The following SELPLG variants were observed in gnomAD, a reference collection of about 807,000 sequenced individuals.
SELPLG encodes selectin P ligand, also known as P-selectin glycoprotein ligand 1.
A neutral mutation model predicts 1.1 loss-of-function variants in SELPLG; 2 were observed. The observed-to-expected ratio is 1.82, with a 90% CI of 0.74 to 5.71. The LOEUF (loss-of-function observed/expected upper bound fraction) is 5.71, where lower values mean the gene tolerates loss of function less well. Among genes scored for constraint, SELPLG ranks in the 30% most tolerant of loss-of-function variants. The pLI, the probability that SELPLG is intolerant of heterozygous loss-of-function variation, is 0.05. For missense variants in SELPLG, 478 were observed against 524.7 expected (o/e 0.91, Z 0.87); for synonymous variants, 230 against 221.2 (o/e 1.04, Z -0.35).
chr12:108,630,477 C>T (rs372560763), intron 1 of SELPLG, among the ~76,000 whole-genome samples: 1 of 152,194 alleles, frequency 6.6e-6, no homozygotes, highest in Non-Finnish European at 1.5e-5. Flanking sequence ...AAGTAGTCAC[C>T]AAGAGAAGGA....
chr12:108,631,888 GC>G, intron 1 of SELPLG: 1 of 1,535,462 alleles, frequency 6.5e-7, no homozygotes, highest in Non-Finnish European at 8.7e-7. Context: ...TAGACCACTG[GC>G]CCCCACTGCC....
chr12:108,628,324 C>CACAT (rs1275442483), intron 1 of SELPLG, among the ~76,000 whole-genome samples: 1 of 84,668 alleles, frequency 1.2e-5, no homozygotes, highest in Non-Finnish European at 2.7e-5. Flanking sequence ...ATGTAACACA[C>CACAT]ACACACACAC....
At position 108,623,961 on chromosome 12, in the gene SELPLG, G is replaced by A. The variant is rs752019288; in HGVS notation, c.347C>T (p.Ser116Leu). 3.1e-6 allele frequency: 5 copies of A among 1,614,176 alleles called. No individual in the cohort carries two copies. In the South Asian group the frequency reaches 5.5e-5, roughly 18 times the overall value. ...AGTGGTCTGTATCTCCATAGCTGCT[G>A]AATCCGTGGACAGGTTCCCCATGTT... ...LANMGNLSTDSAAMEIQTTQP... is the reference protein window; with the variant it reads ...LANMGNLSTDLAAMEIQTTQP... The change falls in exon 2 of 2, where the codon TCA (serine) becomes TTA (leucine). Residue 116 changes from serine (S) to leucine (L), a missense_variant. Coordinates refer to ENST00000550948, the MANE Select transcript of SELPLG (RefSeq NM_003006.4).
chr12:108,631,943 TAGG>T (rs1565890910), intron 1 of SELPLG: 2 of 1,535,464 alleles, frequency 1.3e-6, no homozygotes, highest in South Asian at 1.2e-5. Context: ...GACACAGGCC[TAGG>T]GTCACCACGA....
At chr12:108,631,874 C>A in intron 1 of SELPLG, 1 of 1,535,434 alleles carries the variant, frequency 6.5e-7, no homozygotes, top group South Asian at 1.2e-5. Flanking sequence ...ATCTTATCTC[C>A]TTCTAGACCA....
intron 1 of SELPLG, among the ~76,000 whole-genome samples, chr12:108,633,290 C>G (rs554962492): frequency 6.6e-6 from 1 of 152,234 alleles, no homozygotes; most frequent in East Asian, 1.9e-4. Flanking sequence ...GGCTTGAGGC[C>G]AGGAGTTTGA....
chr12:108,624,405 G>A lies in SELPLG; in HGVS notation c.-5-93C>T, dbSNP rs971996512. 9 of 1,199,800 alleles carry A rather than the reference G, an allele frequency of 7.5e-6. No individual in the cohort carries two copies. In the Admixed American group the frequency reaches 1.5e-4, roughly 20 times the overall value. 74.3% of individuals were successfully genotyped at this position (1,199,800 alleles called of 1,614,324 possible). Reference sequence around the variant, plus strand: ...ACCACCACCCTCTACTGCCACAGCTGGAAGCATGTCTGGTCTGGAGCAGGG... The same window carrying A: ...ACCACCACCCTCTACTGCCACAGCTAGAAGCATGTCTGGTCTGGAGCAGGG... On this transcript the variant is annotated intron_variant, in intron 1 of 1. Transcript: ENST00000550948.
intron 1 of SELPLG, among the ~76,000 whole-genome samples, chr12:108,629,223 C>T (rs969710749): frequency 2.0e-5 from 3 of 152,206 alleles, no homozygotes; most frequent in African/African-American, 7.2e-5. Context: ...CTAAAGCAAC[C>T]ACCTTATCCT....
At chr12:108,630,104 C>T (rs1173716696) in intron 1 of SELPLG, among the ~76,000 whole-genome samples, 1 of 152,214 alleles carries the variant, frequency 6.6e-6, no homozygotes, top group Non-Finnish European at 1.5e-5. Flanking sequence ...GGGGCCAGGG[C>T]AGGGCTCCGA....
At position 108,624,071 on chromosome 12, in the gene SELPLG, C is replaced by T. The variant is rs749995403; in HGVS notation, c.237G>A (p.Glu79=). 1.2e-6 allele frequency: 2 copies of T among 1,614,214 alleles called. No individual in the cohort carries two copies. Among genetic ancestry groups the T allele is most frequent in the East Asian group, 2.2e-5 (1 of 44,890 alleles). The change falls in exon 2 of 2, where the codon GAG becomes GAA. Residue 79 remains glutamate (E), a synonymous_variant. Transcript: ENST00000550948. ...TTPLTGPGTP[E]STTVEPAARR... ...TTGCAGCAGGCTCCACAGTGGTAGA[C>T]TCAGGGGTTCCAGGCCCAGTCAGAG...
chr12:108,631,939 G>T (rs1294508376), intron 1 of SELPLG: 4 of 1,535,418 alleles, frequency 2.6e-6, no homozygotes. Flanking sequence ...CCGAGACACA[G>T]GCCTAGGGTC....
chr12:108,623,844 C>T lies in SELPLG; in HGVS notation c.464G>A (p.Arg155Gln), dbSNP rs558591610. Reference protein sequence around the residue: ...PLAATEAQTTRLTATEAQTTP... With the variant: ...PLAATEAQTTQLTATEAQTTP... ...GGTCTGTGCCTCCGTGGCCGTCAGT[C>T]GAGTTGTCTGTGCCTCTGTGGCTGC... Residue 155 changes from arginine (R) to glutamine (Q), a missense_variant, in exon 2 of 2, where the codon CGA becomes CAA. Coordinates refer to ENST00000550948, the MANE Select transcript of SELPLG (RefSeq NM_003006.4). The T allele has an allele frequency of 5.2e-5, 79 of 1,523,410 alleles. No individual in the cohort carries two copies. The East Asian group carries it at 1.5e-3, about 28-fold the overall frequency. The allele number at this position is 1,523,410 out of a possible 1,614,324, so 94.4% of individuals were successfully genotyped here. A position where few individuals can be genotyped will look rare whatever the true frequency, so the allele number is the denominator to read the frequency against.
rs182988667 is a variant in SELPLG at position 108,623,041 on chromosome 12, G to A, written c.*28C>T. ...GCCCAGGAGAGCCCGTGGAGGTGGG[G>A]TCTTGCCAAAACAGATGGCAGAGTG... On this transcript the variant is annotated 3_prime_UTR_variant, in exon 2 of 2. Transcript: ENST00000550948. 5,277 of 1,464,508 alleles carry A rather than the reference G, an allele frequency of 3.6e-3. 17 individuals carry two copies. The highest frequency in any genetic ancestry group is 3.7e-3 in the Non-Finnish European group (4,150 of 1,106,680). The allele number at this position is 1,464,508 out of a possible 1,614,324, so 90.7% of individuals were successfully genotyped here. A position where few individuals can be genotyped will look rare whatever the true frequency, so the allele number is the denominator to read the frequency against.
chr12:108,628,049 C>T (rs1023820726), intron 1 of SELPLG, among the ~76,000 whole-genome samples: 1 of 151,968 alleles, frequency 6.6e-6, no homozygotes, highest in Non-Finnish European at 1.5e-5. Flanking sequence ...CCACTGCACC[C>T]CAGCCTGGGT....
At chr12:108,624,880 G>A (rs2031909568) in intron 1 of SELPLG, among the ~76,000 whole-genome samples, 1 of 151,900 alleles carries the variant, frequency 6.6e-6, no homozygotes, top group Admixed American at 6.6e-5. Context: ...AGTAGAGACG[G>A]GGTTTCACTA....
At chr12:108,626,691 C>G (rs540254884) in intron 1 of SELPLG, among the ~76,000 whole-genome samples, 1 of 150,396 alleles carries the variant, frequency 6.6e-6, no homozygotes, top group South Asian at 2.1e-4. Flanking sequence ...TTTGTAGAGA[C>G]GGGGTCTTGC....
In SELPLG at chr12:108,623,995, C is replaced by G. The variant is rs745821124; in HGVS notation, c.313G>C (p.Glu105Gln). Reference protein sequence around the residue: ...AGGAVTELTTELANMGNLSTD... With the variant: ...AGGAVTELTTQLANMGNLSTD... ...GACAGGTTCCCCATGTTGGCCAGCTCCGTGGTCAGCTCTGTGACTGCCCCT... is the reference window on the plus strand; with the variant it reads ...GACAGGTTCCCCATGTTGGCCAGCTGCGTGGTCAGCTCTGTGACTGCCCCT... Residue 105 changes from glutamate to glutamine, a missense_variant, in exon 2 of 2, where the codon GAG becomes CAG. Transcript: ENST00000550948. 29 of 1,614,188 alleles carry G rather than the reference C, an allele frequency of 1.8e-5. No individual in the cohort carries two copies. The highest frequency in any genetic ancestry group is 2.4e-5 in the Non-Finnish European group (28 of 1,180,022).
Position 108,626,128 on chromosome 12 carries a change from CTTTTTTTTTTT to C in SELPLG, c.-5-1827_-5-1817del, listed in dbSNP as rs573374699. On this transcript the variant is annotated intron_variant, in intron 1 of 1. Coordinates refer to ENST00000550948, the MANE Select transcript of SELPLG (RefSeq NM_003006.4). ...AGTTAGAATTATGTTGGTTTCTTTT[CTTTTTTTTTTT>C]TTTTTTTTTCTCCAAGACAGAGTCT... is the stretch of plus-strand genomic sequence containing the variant. Among the ~76,000 whole-genome samples the C allele has an allele frequency of 1.7e-4, 22 of 125,734 alleles. No individual in the cohort carries two copies. In the South Asian group the frequency reaches 5.9e-3, roughly 34 times the overall value. 82.5% of individuals were successfully genotyped at this position (125,734 alleles called of 152,430 possible).
chr12:108,626,532 T>G (rs1270398598), intron 1 of SELPLG, among the ~76,000 whole-genome samples: 1 of 152,244 alleles, frequency 6.6e-6, no homozygotes, highest in Non-Finnish European at 1.5e-5. Flanking sequence ...ATTCTCACTT[T>G]GTCGCCCAGT....
Sources: allele counts gnomAD v4.1 joint callset (sites outside exome capture counted in the v4.1 genomes callset), GRCh38; gene constraint gnomAD v4.1.1; transcripts MANE v1.5; gene names NCBI Gene and HGNC (gene_info 2026-07-23, HGNC 2026-07-21).